Variants in PRSS12 observed in about 807,000 individuals in gnomAD.
PRSS12 encodes the protein serine protease 12.
A neutral mutation model predicts 104.4 loss-of-function variants in PRSS12; 85 were observed. The observed-to-expected ratio is 0.81, with a 90% confidence interval of 0.68 to 0.98. PRSS12 has a LOEUF of 0.98. Among genes scored for constraint, PRSS12 ranks in the 50% least tolerant of loss-of-function variants. The probability of loss-of-function intolerance (pLI) is 0.00; values close to 1 mark genes in which losing one functional copy is unlikely to be tolerated. For missense variants in PRSS12, 1,141 were observed against 1,139.2 expected (o/e 1.00, Z -0.02); for synonymous variants, 454 against 425.2 (o/e 1.07, Z -0.83).
Position 118,352,660 on chromosome 4 carries a change from A to C in PRSS12, c.61T>G (p.Phe21Val). The C allele has an allele frequency of 6.2e-7, 1 of 1,613,344 alleles. No individual in the cohort carries two copies. Among genetic ancestry groups the C allele is most frequent in the African/African-American group, 1.3e-5 (1 of 75,012 alleles). Residue 21 changes from phenylalanine to valine, a missense_variant, in exon 1 of 13, where the codon TTT becomes GTT. By Grantham distance (50) the Phe-to-Val change is conservative (BLOSUM62 -1). Transcript: ENST00000296498. Reference sequence around the variant, plus strand: ...AGGGAATCATTGAGGACAGAATCAAAGCCGACCACTTCGGGGAGCGCCCCT... The same window carrying C: ...AGGGAATCATTGAGGACAGAATCAACGCCGACCACTTCGGGGAGCGCCCCT... ...MLGALPEVVGFDSVLNDSLHH... is the reference protein window; with the variant it reads ...MLGALPEVVGVDSVLNDSLHH...
At position 118,281,829 on chromosome 4, in the gene PRSS12, A is replaced by G; in HGVS notation, c.*107T>C. 1 of 762,780 alleles carries G rather than the reference A, an allele frequency of 1.3e-6. No individual in the cohort carries two copies. The highest frequency in any genetic ancestry group is 1.4e-5 in the South Asian group (1 of 71,640). The allele number at this position is 762,780 out of a possible 1,614,324, so 47.3% of individuals were successfully genotyped here. ...GTACACAATTTTTTACCACAACACA[A>G]AGCAAAAACAGATCTTGCCATTTGT... is the stretch of plus-strand genomic sequence containing the variant. On this transcript the variant is annotated 3_prime_UTR_variant, in exon 13 of 13. Transcript: ENST00000296498.
chr4:118,285,821 C>CT (rs1560763077), intron 11 of PRSS12, among the ~76,000 whole-genome samples: 1 of 148,648 alleles, frequency 6.7e-6, no homozygotes, highest in Non-Finnish European at 1.5e-5. Context: ...CTTTTTTTTT[C>CT]TTTTTTTGAG....
rs764887461 is a variant in PRSS12, at chr4:118,295,784, G to A, written c.1910C>T (p.Ser637Phe). 6 of 1,612,960 alleles carry A rather than the reference G, an allele frequency of 3.7e-6. No homozygotes were observed. The highest frequency in any genetic ancestry group is 5.1e-6 in the Non-Finnish European group (6 of 1,178,992). Residue 637 changes from serine to phenylalanine, a missense_variant, in exon 10 of 13, where the codon TCT becomes TTT. Ser to Phe is a radical substitution (Grantham distance 155). Coordinates refer to ENST00000296498, the MANE Select transcript of PRSS12 (RefSeq NM_003619.4). Reference sequence around the variant, plus strand: ...CTTTTGGAGGAACATTTACCTTAAAGAATTTTTCCCACCAATGATCCGCTT... The same window carrying A: ...CTTTTGGAGGAACATTTACCTTAAAAAATTTTTCCCACCAATGATCCGCTT... ...RQKRIIGGKNSLRGGWPWQVS... is the reference protein window; with the variant it reads ...RQKRIIGGKNFLRGGWPWQVS...
chr4:118,287,805 A>G (rs2126026353), intron 11 of PRSS12, among the ~76,000 whole-genome samples: 1 of 152,276 alleles, frequency 6.6e-6, no homozygotes, highest in Middle Eastern at 3.4e-3. Flanking sequence ...ATTTTGATAG[A>G]CTTTATTTTA....
At chr4:118,287,149 T>A (rs985594516) in intron 11 of PRSS12, among the ~76,000 whole-genome samples, 3 of 152,168 alleles carry the variant, frequency 2.0e-5, no homozygotes, top group Admixed American at 2.0e-4. Flanking sequence ...ACACACATCT[T>A]TTTTTTCTTT....
chr4:118,342,460 T>C (rs1312585172), intron 1 of PRSS12, among the ~76,000 whole-genome samples: 4 of 152,210 alleles, frequency 2.6e-5, no homozygotes, highest in Admixed American at 2.6e-4. Context: ...AGCGTTGCAC[T>C]GTCTTAAAGT....
At chr4:118,326,461 T>C (rs1385040708) in intron 4 of PRSS12, among the ~76,000 whole-genome samples, 2 of 152,166 alleles carry the variant, frequency 1.3e-5, no homozygotes, top group Admixed American at 6.5e-5. Flanking sequence ...TGTCCAACAT[T>C]ACACTACTAC....
chr4:118,319,791 C>T (rs1298921019), intron 4 of PRSS12, among the ~76,000 whole-genome samples: 1 of 152,124 alleles, frequency 6.6e-6, no homozygotes, highest in Non-Finnish European at 1.5e-5. Context: ...GATCCTCCCA[C>T]CTCAGCCTCC....
chr4:118,316,354 C>G, intron 5 of PRSS12, 31 bp from the exon 6 acceptor site: 1 of 1,613,400 alleles, frequency 6.2e-7, no homozygotes, highest in Non-Finnish European at 8.5e-7. Flanking sequence ...AGAGACTAAG[C>G]AAATCAACTT....
In PRSS12 at chr4:118,335,635, T is replaced by C; in HGVS notation, c.658A>G (p.Lys220Glu). 6.2e-7 allele frequency: 1 copy of C among 1,614,028 alleles called. No individual in the cohort carries two copies. Among genetic ancestry groups the C allele is most frequent in the East Asian group, 2.2e-5 (1 of 44,878 alleles). Residue 220 changes from lysine to glutamate, a missense_variant, in exon 3 of 13, where the codon AAA becomes GAA. Transcript: ENST00000296498. ...CCCAGTCCAGAAAACGGGGTTTGTTTTGCTATTCCTTTTCCTCTGGAAGTA... is the reference window on the plus strand; with the variant it reads ...CCCAGTCCAGAAAACGGGGTTTGTTCTGCTATTCCTTTTCCTCTGGAAGTA... The part of the protein sequence containing the change: ...QLQLGGKGIA[K>E]QTPFSGLGLI...
chr4:118,348,269 T>G (rs4834679), intron 1 of PRSS12, among the ~76,000 whole-genome samples: 126,236 of 152,160 alleles, frequency 0.83, 54,734 homozygotes, highest in Non-Finnish European at 0.95. Flanking sequence ...ACTGGTCAAA[T>G]AAAAAACCAG....
chr4:118,351,501 A>G (rs1003042995), intron 1 of PRSS12, among the ~76,000 whole-genome samples: 3 of 152,204 alleles, frequency 2.0e-5, no homozygotes, highest in Non-Finnish European at 4.4e-5. Flanking sequence ...GATGTTACCA[A>G]CTAATCCTGA....
chr4:118,310,587 G>GT (rs1365917851), intron 7 of PRSS12, among the ~76,000 whole-genome samples: 1 of 151,954 alleles, frequency 6.6e-6, no homozygotes, highest in Non-Finnish European at 1.5e-5. Flanking sequence ...AATATATAAA[G>GT]TTTTTGGAAA....
At chr4:118,316,886 C>T (rs1297457835) in intron 5 of PRSS12, among the ~76,000 whole-genome samples, 3 of 145,504 alleles carry the variant, frequency 2.1e-5, no homozygotes, top group African/African-American at 7.5e-5. Context: ...CCCCTATTCT[C>T]TATGTAGAAA....
chr4:118,343,407 A>T (rs1578941292), intron 1 of PRSS12, among the ~76,000 whole-genome samples: 1 of 152,130 alleles, frequency 6.6e-6, no homozygotes. Context: ...AAAACAAAAA[A>T]CAAAAACAAA....
In PRSS12 at chr4:118,283,148, A is replaced by G. The variant is rs1483859865; in HGVS notation, c.2040-37T>C. The G allele has an allele frequency of 5.0e-6, 8 of 1,606,820 alleles. No individual in the cohort carries two copies. In the Admixed American group the frequency reaches 1.2e-4, roughly 23 times the overall value. On this transcript the variant is annotated intron_variant, in intron 11 of 12. Coordinates refer to ENST00000296498, the MANE Select transcript of PRSS12 (RefSeq NM_003619.4). Reference sequence around the variant, plus strand: ...AGAGTACTAATGAGAGACTTGCTTCAGATACTGAAAATTATTGTCAAGAAG... The same window carrying G: ...AGAGTACTAATGAGAGACTTGCTTCGGATACTGAAAATTATTGTCAAGAAG...
At chr4:118,336,153 C>A (rs1446603167) in intron 2 of PRSS12, among the ~76,000 whole-genome samples, 1 of 152,178 alleles carries the variant, frequency 6.6e-6, no homozygotes, top group Non-Finnish European at 1.5e-5. Flanking sequence ...TACATCTAAG[C>A]ACAATAATAT....
rs1388553684 is a variant in PRSS12 at position 118,280,434 on chromosome 4, G to C, written c.*1502C>G. On this transcript the variant is annotated 3_prime_UTR_variant, in exon 13 of 13. Coordinates refer to ENST00000296498, the MANE Select transcript of PRSS12 (RefSeq NM_003619.4). ...TTAATGCTCTTCTGCATTATATGCA[G>C]CATTGCAAATCTGCAAAGTAGTAAA... The C allele has an allele frequency of 1.3e-5, 2 of 152,242 alleles. No individual in the cohort carries two copies. Among genetic ancestry groups the C allele is most frequent in the African/African-American group, 2.4e-5 (1 of 41,462 alleles). The allele number at this position is 152,242 out of a possible 1,614,324, so 9.4% of individuals were successfully genotyped here.
At chr4:118,318,625 T>C in intron 4 of PRSS12, 69 bp from the exon 5 acceptor site, 1 of 1,474,266 alleles carries the variant, frequency 6.8e-7, no homozygotes, top group Non-Finnish European at 9.3e-7. Context: ...TTTTTTTTTG[T>C]CCCTAGTAAA....
Sources: allele counts gnomAD v4.1 joint callset (sites outside exome capture counted in the v4.1 genomes callset), GRCh38; gene constraint gnomAD v4.1.1; transcripts MANE v1.5; gene names NCBI Gene and HGNC (gene_info 2026-07-23, HGNC 2026-07-21).